The following WDR41 variants were observed in gnomAD, a reference collection of about 807,000 sequenced individuals.
WDR41 encodes WD repeat-containing protein 41.
WDR41 carries 63 observed loss-of-function variants against 69.3 expected under a neutral mutation model. That is an observed-to-expected ratio of 0.91 (90% CI 0.74 to 1.12). The LOEUF (loss-of-function observed/expected upper bound fraction) is 1.12, where lower values mean the gene tolerates loss of function less well. Ranked by LOEUF, WDR41 falls within the 50% of genes most tolerant of loss-of-function variation. The probability of loss-of-function intolerance (pLI) is 0.00; values close to 1 mark genes in which losing one functional copy is unlikely to be tolerated. For missense variants in WDR41, 543 were observed against 534.5 expected, an observed-to-expected ratio of 1.02 and a Z score of -0.16; for synonymous variants, 185 against 192.1, an observed-to-expected ratio of 0.96 and a Z score of 0.31.
chr5:77,619,304 C>G (rs992251429), intron 1 of WDR41, among the ~76,000 whole-genome samples: 47 of 152,146 alleles, frequency 3.1e-4, no homozygotes, highest in Non-Finnish European at 2.9e-5. Flanking sequence ...TAATAAGTGT[C>G]AGGTACCACG....
intron 1 of WDR41, among the ~76,000 whole-genome samples, chr5:77,520,544 G>T (rs2112189870): frequency 6.6e-6 from 1 of 152,200 alleles, no homozygotes. Flanking sequence ...TTATACACTG[G>T]TATATGCAGA....
rs1473094719 is a variant in WDR41, at chr5:77,492,195, C to T, written c.26G>A (p.Gly9Asp). Residue 9 changes from glycine (G) to aspartate (D), a missense_variant, in exon 1 of 13, where the codon GGC (glycine) becomes GAC (aspartate). Transcript: ENST00000296679. MLRWLIGG[G>D]REPQGLAEKS... ...CTCGGCCAGTCCCTGCGGTTCTCGG[C>T]CTCCCCCGATCAGCCATCGCAACAT... 6.2e-7 allele frequency: 1 copy of T among 1,612,492 alleles called. No individual in the cohort carries two copies. Among genetic ancestry groups the T allele is most frequent in the Admixed American group, 1.7e-5 (1 of 59,862 alleles).
At chr5:77,512,353 TGA>T (rs1302461758) in intron 1 of WDR41, among the ~76,000 whole-genome samples, 2 of 120,642 alleles carry the variant, frequency 1.7e-5, no homozygotes, top group African/African-American at 3.2e-5. Context: ...AGAGAGAGAG[TGA>T]GTGTGTGTGT....
chr5:77,571,997 C>T (rs374398299), intron 1 of WDR41, among the ~76,000 whole-genome samples: 1 of 152,158 alleles, frequency 6.6e-6, no homozygotes, highest in African/African-American at 2.4e-5. Context: ...TGCAAGCAAC[C>T]ACGGAAGGCC....
chr5:77,599,724 T>G (rs1380872939), intron 1 of WDR41, among the ~76,000 whole-genome samples: 1 of 152,240 alleles, frequency 6.6e-6, no homozygotes, highest in Non-Finnish European at 1.5e-5. Flanking sequence ...AGGCTAGCCC[T>G]CTTTCTTTAC....
At chr5:77,521,898 T>C (rs1482253257) in intron 1 of WDR41, among the ~76,000 whole-genome samples, 1 of 152,226 alleles carries the variant, frequency 6.6e-6, no homozygotes, top group Non-Finnish European at 1.5e-5. Flanking sequence ...AGGATTTCTG[T>C]TAAGATGCTG....
chr5:77,436,431 G>GTACT, intron 11 of WDR41, 37 bp from the exon 12 acceptor site: 1 of 1,602,838 alleles, frequency 6.2e-7, no homozygotes, highest in Non-Finnish European at 8.5e-7. Flanking sequence ...ACTGTGCTCT[G>GTACT]TACTTACAAT....
intron 1 of WDR41, among the ~76,000 whole-genome samples, chr5:77,567,663 T>TAAAAAAAAAA (rs60723638): frequency 9.4e-6 from 1 of 106,388 alleles, no homozygotes; most frequent in African/African-American, 3.4e-5. Flanking sequence ...AACCAAATAG[T>TAAAAAAAAAA]AAAAAAAAAA....
chr5:77,431,130 A>G lies in WDR41; in HGVS notation c.*2005T>C, dbSNP rs1354022205. On this transcript the variant is annotated 3_prime_UTR_variant, in exon 13 of 13. Transcript: ENST00000296679. Reference sequence around the variant, plus strand: ...CAGGATTTGAGATGACAGACTCTAAATTTTGAAAGAAGTTCTACTGTGGGT... The same window carrying G: ...CAGGATTTGAGATGACAGACTCTAAGTTTTGAAAGAAGTTCTACTGTGGGT... 6.6e-6 allele frequency: 1 copy of G among 152,246 alleles called. No individual in the cohort carries two copies. Among genetic ancestry groups the G allele is most frequent in the Admixed American group, 6.5e-5 (1 of 15,280 alleles). The allele number at this position is 152,246 out of a possible 1,614,324, so 9.4% of individuals were successfully genotyped here. A position where few individuals can be genotyped will look rare whatever the true frequency, so the allele number is the denominator to read the frequency against.
At chr5:77,479,325 T>G (rs1033574377) in intron 2 of WDR41, among the ~76,000 whole-genome samples, 8 of 151,964 alleles carry the variant, frequency 5.3e-5, no homozygotes, top group East Asian at 3.9e-4. Context: ...AAAACTACTT[T>G]AAAGTTCATA....
chr5:77,437,990 A>G (rs1318671121), intron 10 of WDR41, among the ~76,000 whole-genome samples: 2 of 152,232 alleles, frequency 1.3e-5, no homozygotes, highest in Non-Finnish European at 2.9e-5. Context: ...GTTAAATACC[A>G]AATTTTAAAT....
At position 77,431,716 on chromosome 5, in the gene WDR41, A is replaced by G. The variant is rs536849357; in HGVS notation, c.*1419T>C. On this transcript the variant is annotated 3_prime_UTR_variant, in exon 13 of 13. Transcript: ENST00000296679. ...TGGCTCCCTTGTGTCATACAACTTC[A>G]GAAAACAACTTTACAAATGTATGGG... is the stretch of plus-strand genomic sequence containing the variant. The G allele has an allele frequency of 2.6e-5, 4 of 152,372 alleles. No individual in the cohort carries two copies. The highest frequency in any genetic ancestry group is 2.6e-4 in the Admixed American group (4 of 15,310). 9.4% of individuals were successfully genotyped at this position (152,372 alleles called of 1,614,324 possible).
intron 1 of WDR41, among the ~76,000 whole-genome samples, chr5:77,559,077 A>T (rs1743468003): frequency 1.3e-5 from 2 of 152,190 alleles, no homozygotes; most frequent in South Asian, 2.1e-4. Context: ...AGACACATGT[A>T]TTGAGTTGCT....
intron 1 of WDR41, 76 bp downstream of exon 1, chr5:77,492,094 C>G (rs42764): frequency 0.47 from 738,294 of 1,560,878 alleles, 181,698 homozygotes; most frequent in African/African-American, 0.73. Flanking sequence ...GGTCGGAACC[C>G]AGGAAGGCCG....
chr5:77,611,824 A>T (rs1268293583), intron 1 of WDR41, among the ~76,000 whole-genome samples: 5 of 152,050 alleles, frequency 3.3e-5, no homozygotes, highest in African/African-American at 1.2e-4. Flanking sequence ...AGACACAAAA[A>T]ACCCTTCAAA....
intron 2 of WDR41, among the ~76,000 whole-genome samples, chr5:77,478,856 T>C (rs534332223): frequency 6.6e-6 from 1 of 151,648 alleles, no homozygotes; most frequent in Admixed American, 6.6e-5. Flanking sequence ...AAATAAAGGG[T>C]ATTCAATTAG....
intron 1 of WDR41, among the ~76,000 whole-genome samples, chr5:77,551,028 C>A (rs923425653): frequency 1.3e-5 from 2 of 151,960 alleles, no homozygotes; most frequent in Admixed American, 6.6e-5. Flanking sequence ...AAAACGGGAA[C>A]AATAGACACT....
At position 77,489,526 on chromosome 5, in the gene WDR41, T is replaced by C. The variant is rs986158256; in HGVS notation, c.98A>G (p.Tyr33Cys). 1.2e-6 allele frequency: 2 copies of C among 1,608,726 alleles called. No homozygotes were observed. Among genetic ancestry groups the C allele is most frequent in the African/African-American group, 1.3e-5 (1 of 74,104 alleles). ...TIGEEQTQNP[Y>C]TELLVLKAHH... ...AGCCTTCAGTACTAGCAGTTCAGTGTAGGGATTCTGGGTTTGTTCTTCACC... is the reference window on the plus strand; with the variant it reads ...AGCCTTCAGTACTAGCAGTTCAGTGCAGGGATTCTGGGTTTGTTCTTCACC... Residue 33 changes from tyrosine to cysteine, a missense_variant, in exon 2 of 13, where the codon TAC becomes TGC. Tyr to Cys is a radical substitution (Grantham distance 194). Transcript: ENST00000296679.
intron 1 of WDR41, among the ~76,000 whole-genome samples, chr5:77,552,450 G>A (rs1029211090): frequency 2.0e-5 from 3 of 152,172 alleles, no homozygotes; most frequent in Admixed American, 2.0e-4. Context: ...GTTTAGTAAT[G>A]CTGTCAATTC....
Sources: gnomAD v4.1 joint callset for allele counts (sites outside exome capture counted in the v4.1 genomes callset) on GRCh38, gnomAD v4.1.1 for gene constraint, MANE v1.5 for transcripts, NCBI Gene and HGNC (gene_info 2026-07-23, HGNC 2026-07-21) for gene names.